The following TRIM2 variants were observed in gnomAD, a reference collection of about 807,000 sequenced individuals.
TRIM2 encodes tripartite motif-containing protein 2.
In TRIM2, 20 loss-of-function variants were observed where a neutral mutation model predicts 75.2. The ratio of observed to expected loss-of-function variants is 0.27; its 90% confidence interval spans 0.19 to 0.39. TRIM2 has a LOEUF of 0.39. Among genes scored for constraint, TRIM2 ranks in the 10% least tolerant of loss-of-function variants. The pLI, the probability that TRIM2 is intolerant of heterozygous loss-of-function variation, is 1.00. For synonymous variants in TRIM2, 373 were observed against 388.3 expected (o/e 0.96, Z 0.46); for missense variants, 660 against 990.8 (o/e 0.67, Z 4.48).
At chr4:153,244,293 TCCTCCTCCTCCTCCTCCTCCTCCTCC>T (rs1747842682) in intron 1 of TRIM2, among the ~76,000 whole-genome samples, 1 of 35,222 alleles carries the variant, frequency 2.8e-5, no homozygotes, top group Non-Finnish European at 4.7e-5. Flanking sequence ...CTCCTCCTCC[TCCTCCTCCTCCTCCTCCTCCTCCTCC>T]TCTTCTTCTT....
At chr4:153,235,991 G>A (rs1329256400) in intron 1 of TRIM2, among the ~76,000 whole-genome samples, 2 of 152,044 alleles carry the variant, frequency 1.3e-5, no homozygotes, top group Non-Finnish European at 2.9e-5. Flanking sequence ...GGGATCCGGT[G>A]GGGATCAAAT....
At chr4:153,291,835 G>A (rs773984065) in intron 3 of TRIM2, among the ~76,000 whole-genome samples, 14 of 152,046 alleles carry the variant, frequency 9.2e-5, no homozygotes, top group Non-Finnish European at 1.5e-4. Context: ...TGAGTTCTTC[G>A]TGCATACTAA....
At chr4:153,176,076 A>G (rs1731405222) in intron 1 of TRIM2, among the ~76,000 whole-genome samples, 1 of 151,942 alleles carries the variant, frequency 6.6e-6, no homozygotes, top group African/African-American at 2.4e-5. Flanking sequence ...ACTTTTTTTT[A>G]AGAGTAAAGG....
chr4:153,333,771 CATA>C (rs1182112384), intron 11 of TRIM2, among the ~76,000 whole-genome samples: 2 of 151,928 alleles, frequency 1.3e-5, no homozygotes, highest in African/African-American at 2.4e-5. Flanking sequence ...TGTAAAAATA[CATA>C]ATATTATTTA....
chr4:153,217,073 T>C (rs569461465), intron 1 of TRIM2, among the ~76,000 whole-genome samples: 88 of 152,360 alleles, frequency 5.8e-4, no homozygotes, highest in Non-Finnish European at 9.8e-4. Context: ...AATTAAGCTT[T>C]GATTTTCCTT....
At chr4:153,302,666 A>G (rs764932340) in intron 6 of TRIM2, among the ~76,000 whole-genome samples, 7 of 152,208 alleles carry the variant, frequency 4.6e-5, no homozygotes, top group Non-Finnish European at 1.0e-4. Flanking sequence ...GATTAAAAGT[A>G]ATGAGGTTGG....
intron 1 of TRIM2, among the ~76,000 whole-genome samples, chr4:153,183,181 G>T (rs1560792235): frequency 6.6e-6 from 1 of 152,324 alleles, no homozygotes; most frequent in East Asian, 1.9e-4. Context: ...CCAGTGCAGA[G>T]CTGCCTCTCT....
chr4:153,296,018 G>A lies in TRIM2; in HGVS notation c.1492G>A (p.Asp498Asn). The change falls in exon 6 of 12, where the codon GAT (aspartate) becomes AAT (asparagine). Residue 498 changes from aspartate to asparagine, a missense_variant. Coordinates refer to ENST00000338700, the MANE Select transcript of TRIM2 (RefSeq NM_015271.5). ...GKRKENPIED[D>N]LIFRVGTKGR... ...ACGAAAAGAGAATCCCATCGAAGACGATTTGATCTTTCGAGTGGGTAAGGA... is the reference window on the plus strand; with the variant it reads ...ACGAAAAGAGAATCCCATCGAAGACAATTTGATCTTTCGAGTGGGTAAGGA... The A allele has an allele frequency of 1.3e-6, 2 of 1,522,952 alleles. No homozygotes were observed. 94.3% of individuals were successfully genotyped at this position (1,522,952 alleles called of 1,614,324 possible).
In TRIM2 at chr4:153,232,063, C is replaced by A. The variant is rs28695634; in HGVS notation, c.30+27503C>A. ...ACATATTCCAAAATATGAAAAAAAA[C>A]CAAAATCCAAAAATACTTCCGGCCC... On this transcript the variant is annotated intron_variant, in intron 1 of 11. Transcript: ENST00000338700. 3.0e-3 allele frequency among the ~76,000 whole-genome samples: 463 copies of A among 152,124 alleles called. 3 individuals carry two copies. The highest frequency in any genetic ancestry group is 8.1e-3 in the African/African-American group (335 of 41,486).
At chr4:153,287,481 T>C (rs1760915487) in intron 3 of TRIM2, among the ~76,000 whole-genome samples, 1 of 152,194 alleles carries the variant, frequency 6.6e-6, no homozygotes, top group Non-Finnish European at 1.5e-5. Context: ...TTTTTCTGTA[T>C]GGCATATCTT....
intron 1 of TRIM2, among the ~76,000 whole-genome samples, chr4:153,229,130 T>C (rs1742937202): frequency 6.6e-6 from 1 of 152,232 alleles, no homozygotes; most frequent in South Asian, 2.1e-4. Flanking sequence ...TATATTTTAC[T>C]CATTTTTAAC....
intron 1 of TRIM2, among the ~76,000 whole-genome samples, chr4:153,198,193 C>T (rs1459389656): frequency 6.6e-6 from 1 of 152,120 alleles, no homozygotes; most frequent in Non-Finnish European, 1.5e-5. Context: ...TTTCCAGAAT[C>T]ATCTGAGACT....
chr4:153,177,706 G>GCTCCTTCCTTCC (rs1731591812), intron 1 of TRIM2, among the ~76,000 whole-genome samples: 1 of 68,172 alleles, frequency 1.5e-5, no homozygotes, highest in African/African-American at 5.9e-5. Flanking sequence ...ATGGTGGCTC[G>GCTCCTTCCTTCC]CTCCTTCCTT....
At position 153,295,969 on chromosome 4, in the gene TRIM2, C is replaced by A. The variant is rs948266365; in HGVS notation, c.1443C>A (p.Pro481=). ...GHVKQKAVKR[P]ASMYSTGKRK... is the part of the protein sequence containing the mutation. Reference sequence around the variant, plus strand: ...TCAAGCAGAAAGCTGTGAAAAGACCCGCAAGCATGTACAGCACTGGAAAAC... The same window carrying A: ...TCAAGCAGAAAGCTGTGAAAAGACCAGCAAGCATGTACAGCACTGGAAAAC... Residue 481 remains proline (P), a synonymous_variant, in exon 6 of 12, where the codon CCC becomes CCA. Transcript: ENST00000338700. The surrounding 1 kb of genome is among the most constrained non-coding windows in gnomAD (Gnocchi z 7.2). 7 of 1,568,150 alleles carry A rather than the reference C, an allele frequency of 4.5e-6. No individual in the cohort carries two copies. The highest frequency in any genetic ancestry group is 1.2e-5 in the South Asian group (1 of 81,984).
intron 1 of TRIM2, chr4:153,257,312 C>G: frequency 1.4e-6 from 1 of 733,980 alleles, no homozygotes; most frequent in Middle Eastern, 5.4e-4. Context: ...AGCAAGCCAC[C>G]CACGAATCTC....
intron 1 of TRIM2, among the ~76,000 whole-genome samples, chr4:153,262,005 A>T (rs893233679): frequency 3.9e-5 from 6 of 152,204 alleles, no homozygotes; most frequent in Non-Finnish European, 8.8e-5. Flanking sequence ...GGATTTTGTT[A>T]TGTGATCATT....
At chr4:153,309,117 C>G (rs1042866590) in intron 6 of TRIM2, among the ~76,000 whole-genome samples, 3 of 152,142 alleles carry the variant, frequency 2.0e-5, no homozygotes, top group African/African-American at 7.2e-5. Flanking sequence ...AGGATACAGA[C>G]AGTTAAATAA....
intron 1 of TRIM2, among the ~76,000 whole-genome samples, chr4:153,166,496 C>T (rs1053323847): frequency 2.8e-4 from 28 of 99,600 alleles, no homozygotes; most frequent in Non-Finnish European, 5.1e-4. Flanking sequence ...CCCTTCCTTC[C>T]CTCCCTCCCT....
At position 153,339,305 on chromosome 4, in the gene TRIM2, C is replaced by T; in HGVS notation, c.*4339C>T. 2.0e-6 allele frequency: 1 copy of T among 512,334 alleles called. No homozygotes were observed. Among genetic ancestry groups the T allele is most frequent in the Non-Finnish European group, 2.5e-6 (1 of 397,860 alleles). 31.7% of individuals were successfully genotyped at this position (512,334 alleles called of 1,614,324 possible). A position where few individuals can be genotyped will look rare whatever the true frequency, so the allele number is the denominator to read the frequency against. ...AAAATCTCAAATCATTATAATAAAG[C>T]TTGTTTTCTCCATTTGCAGAGTGAA... is the stretch of plus-strand genomic sequence containing the variant. On this transcript the variant is annotated 3_prime_UTR_variant, in exon 12 of 12. Transcript: ENST00000338700.
Sources: gnomAD v4.1 joint callset for allele counts (sites outside exome capture counted in the v4.1 genomes callset) on GRCh38, gnomAD v4.1.1 for gene constraint, Gnocchi (gnomAD v3.1) non-coding constraint, MANE v1.5 for transcripts, NCBI Gene and HGNC (gene_info 2026-07-23, HGNC 2026-07-21) for gene names.